CEP83: variants seen among roughly 807,000 people sequenced by gnomAD.
CEP83 encodes centrosomal protein of 83 kDa.
CEP83 carries 70 observed loss-of-function variants against 101.9 expected under a neutral mutation model. The observed-to-expected ratio is 0.69, with a 90% CI of 0.57 to 0.84. CEP83 has a LOEUF of 0.84. CEP83 is among the 40% of genes least tolerant of loss of function. The pLI, the probability that CEP83 is intolerant of heterozygous loss-of-function variation, is 0.00. For synonymous variants in CEP83, 264 were observed against 267.9 expected, an observed-to-expected ratio of 0.99 and a Z score of 0.14; for missense variants, 715 against 787.2, an observed-to-expected ratio of 0.91 and a Z score of 1.10.
At chr12:94,454,490 G>T (rs543874237) in intron 1 of CEP83, among the ~76,000 whole-genome samples, 1 of 152,082 alleles carries the variant, frequency 6.6e-6, no homozygotes, top group Non-Finnish European at 1.5e-5. Context: ...CTGTAAAAAC[G>T]GACCAATCAG....
At chr12:94,358,437 C>T (rs1157882143) in intron 11 of CEP83, among the ~76,000 whole-genome samples, 1 of 152,174 alleles carries the variant, frequency 6.6e-6, no homozygotes, top group African/African-American at 2.4e-5. Context: ...TTGATGGCAG[C>T]CATTGTTAAG....
chr12:94,280,782 C>T, the CEP83 span, among the ~76,000 whole-genome samples: 2 of 152,244 alleles, frequency 1.3e-5, no homozygotes, highest in South Asian at 4.1e-4. Context: ...CCCCGCCCGA[C>T]AGTCTTGGTC....
intron 11 of CEP83, among the ~76,000 whole-genome samples, chr12:94,351,879 A>C (rs539537733): frequency 6.6e-6 from 1 of 152,340 alleles, no homozygotes; most frequent in East Asian, 1.9e-4. Flanking sequence ...CAAAGACATG[A>C]GATTCATTCT....
intron 11 of CEP83, among the ~76,000 whole-genome samples, chr12:94,358,921 A>C (rs1370778777): frequency 6.6e-6 from 1 of 152,252 alleles, no homozygotes; most frequent in Non-Finnish European, 1.5e-5. Context: ...CATAAAGTCC[A>C]AGCTGGAAGG....
the CEP83 span, chr12:94,297,244 C>T: frequency 2.0e-5 from 32 of 1,613,664 alleles, no homozygotes; most frequent in Non-Finnish European, 2.1e-5. Context: ...TTCTTGTGCT[C>T]ACCACTGAAC....
At chr12:94,297,528 T>C in the CEP83 span, 2 of 772,656 alleles carry the variant, frequency 2.6e-6, no homozygotes, top group South Asian at 3.4e-5. Flanking sequence ...CCCTTGTGCC[T>C]TCTAGCAAAG....
intron 2 of CEP83, among the ~76,000 whole-genome samples, chr12:94,416,366 C>A (rs1383581730): frequency 6.6e-6 from 1 of 151,984 alleles, no homozygotes; most frequent in Non-Finnish European, 1.5e-5. Context: ...GAGTTTATTT[C>A]CCTGGGTTTT....
chr12:94,385,959 C>T (rs2062121037), intron 6 of CEP83, among the ~76,000 whole-genome samples: 1 of 152,156 alleles, frequency 6.6e-6, no homozygotes, highest in Non-Finnish European at 1.5e-5. Flanking sequence ...ATATGCTTTA[C>T]AGGTTTGTAG....
chr12:94,403,397 C>T, intron 4 of CEP83, 135 bp from the exon 5 acceptor site: 1 of 516,948 alleles, frequency 1.9e-6, no homozygotes, highest in Non-Finnish European at 3.4e-6. Flanking sequence ...ACAGTGATCA[C>T]TATACAAATA....
intron 2 of CEP83, among the ~76,000 whole-genome samples, chr12:94,434,837 T>C (rs1025759601): frequency 1.3e-5 from 2 of 152,226 alleles, no homozygotes; most frequent in Admixed American, 6.5e-5. Context: ...CTGCGTGTTG[T>C]ATGCCTGCAT....
chr12:94,306,168 T>A (rs1183930234), downstream of CEP83: 1 of 152,056 alleles, frequency 6.6e-6, no homozygotes, highest in Non-Finnish European at 1.5e-5. Flanking sequence ...TATGAGTGAG[T>A]GTCTCCTTGC....
intron 4 of CEP83, among the ~76,000 whole-genome samples, chr12:94,404,151 C>T (rs2063409272): frequency 6.6e-6 from 1 of 152,056 alleles, no homozygotes; most frequent in South Asian, 2.1e-4. Flanking sequence ...ATCTAAATAA[C>T]TTTATAAAGA....
intron 6 of CEP83, among the ~76,000 whole-genome samples, chr12:94,383,601 A>C (rs1477424862): frequency 6.6e-6 from 1 of 152,102 alleles, no homozygotes; most frequent in Non-Finnish European, 1.5e-5. Flanking sequence ...CACTGTAAAT[A>C]TCTGTATTTT....
At chr12:94,374,223 C>T (rs542373765) in intron 8 of CEP83, among the ~76,000 whole-genome samples, 1 of 152,076 alleles carries the variant, frequency 6.6e-6, no homozygotes, top group South Asian at 2.1e-4. Flanking sequence ...CACAGGTGAG[C>T]TAGGGAGCTC....
At chr12:94,395,177 G>T (rs912156751) in intron 6 of CEP83, among the ~76,000 whole-genome samples, 1 of 151,580 alleles carries the variant, frequency 6.6e-6, no homozygotes, top group East Asian at 1.9e-4. Context: ...ACACACTGGG[G>T]CCTGTCAGGG....
At chr12:94,280,484 G>T in the CEP83 span, among the ~76,000 whole-genome samples, 2 of 152,212 alleles carry the variant, frequency 1.3e-5, no homozygotes, top group African/African-American at 4.8e-5. Flanking sequence ...AAAGGCCATT[G>T]ATAAAGCCTT....
intron 15 of CEP83, among the ~76,000 whole-genome samples, chr12:94,311,554 G>A (rs934861416): frequency 6.6e-6 from 1 of 152,104 alleles, no homozygotes; most frequent in African/African-American, 2.4e-5. Flanking sequence ...CTGAATTACA[G>A]GACACCTAGC....
At chr12:94,326,851 C>A (rs2058992493) in intron 14 of CEP83, among the ~76,000 whole-genome samples, 1 of 152,182 alleles carries the variant, frequency 6.6e-6, no homozygotes, top group South Asian at 2.1e-4. Flanking sequence ...TCCTCCAGAG[C>A]CTTTTGAAGA....
chr12:94,363,663 A>C (rs1285451364), intron 11 of CEP83, among the ~76,000 whole-genome samples: 1 of 152,118 alleles, frequency 6.6e-6, no homozygotes, highest in Non-Finnish European at 1.5e-5. Context: ...AGTAATGAAC[A>C]TTAGGGCAGG....
Sources: gnomAD v4.1 joint callset for allele counts (sites outside exome capture counted in the v4.1 genomes callset) on GRCh38, gnomAD v4.1.1 for gene constraint, MANE v1.5 for transcripts, NCBI Gene and HGNC (gene_info 2026-07-23, HGNC 2026-07-21) for gene names.